MYRIP: variants seen among roughly 807,000 people sequenced by gnomAD.
The protein encoded by MYRIP is rab effector MyRIP.
MYRIP carries 49 observed loss-of-function variants against 98.0 expected under a neutral mutation model. The ratio of observed to expected loss-of-function variants is 0.50; its 90% confidence interval spans 0.40 to 0.63. The LOEUF (loss-of-function observed/expected upper bound fraction) is 0.63, where lower values mean the gene tolerates loss of function less well. Among genes scored for constraint, MYRIP ranks in the 30% least tolerant of loss-of-function variants. MYRIP has a pLI of 0.00. For missense variants in MYRIP, 1,004 were observed against 1,058.2 expected, an observed-to-expected ratio of 0.95 and a Z score of 0.71; for synonymous variants, 404 against 409.5, an observed-to-expected ratio of 0.99 and a Z score of 0.16.
chr3:40,214,028 T>C (rs908970343), intron 11 of MYRIP, among the ~76,000 whole-genome samples: 1 of 152,180 alleles, frequency 6.6e-6, no homozygotes, highest in Non-Finnish European at 1.5e-5. Context: ...TTCCCTTTCC[T>C]GTCCCACTTC....
chr3:39,992,545 T>C (rs1575444874), intron 2 of MYRIP, among the ~76,000 whole-genome samples: 1 of 152,226 alleles, frequency 6.6e-6, no homozygotes, highest in East Asian at 1.9e-4. Context: ...GTGCTTGCCA[T>C]CTGAATGTAC....
chr3:40,238,973 T>G (rs1033337475), intron 12 of MYRIP, among the ~76,000 whole-genome samples: 4 of 151,884 alleles, frequency 2.6e-5, no homozygotes, highest in African/African-American at 9.7e-5. Context: ...TAGTTACATA[T>G]GTATACATGT....
At chr3:40,227,487 C>T (rs1952522456) in intron 11 of MYRIP, among the ~76,000 whole-genome samples, 1 of 152,016 alleles carries the variant, frequency 6.6e-6, no homozygotes, top group African/African-American at 2.4e-5. Context: ...TTATTACTCC[C>T]TTTTTGGTGG....
chr3:39,972,753 T>TC (rs995253862), intron 2 of MYRIP, among the ~76,000 whole-genome samples: 1 of 151,002 alleles, frequency 6.6e-6, no homozygotes, highest in Non-Finnish European at 1.5e-5. Flanking sequence ...TTGTTTTTTT[T>TC]CCCCCTTTCA....
chr3:40,033,021 T>C (rs1302604064), intron 2 of MYRIP, among the ~76,000 whole-genome samples: 3 of 151,356 alleles, frequency 2.0e-5, no homozygotes, highest in Non-Finnish European at 4.4e-5. Flanking sequence ...ATTCAACAAC[T>C]CTTCATGCTG....
intron 12 of MYRIP, among the ~76,000 whole-genome samples, chr3:40,243,912 T>A (rs1361233423): frequency 6.6e-6 from 1 of 152,260 alleles, no homozygotes. Context: ...GAAATATTTT[T>A]CTATTACAAA....
At chr3:40,195,513 C>T (rs1220464634) in intron 10 of MYRIP, among the ~76,000 whole-genome samples, 1 of 152,112 alleles carries the variant, frequency 6.6e-6, no homozygotes, top group Non-Finnish European at 1.5e-5. Context: ...CCAGGCTGGT[C>T]TTGAACTCCT....
intron 10 of MYRIP, among the ~76,000 whole-genome samples, chr3:40,206,756 T>C (rs1266980126): frequency 1.3e-5 from 2 of 152,164 alleles, no homozygotes; most frequent in East Asian, 1.9e-4. Context: ...GCTCAGCACA[T>C]AGTAGGTGCT....
chr3:39,857,280 A>AGGAAGGAAGGAAGGAAGGAAGG (rs1191725155), intron 1 of MYRIP, among the ~76,000 whole-genome samples: 2 of 151,938 alleles, frequency 1.3e-5, no homozygotes, highest in African/African-American at 2.4e-5. Context: ...GAAGGAAGGA[A>AGGAAGGAAGGAAGGAAGGAAGG]AAATGAGTAT....
chr3:40,072,666 T>C (rs1948257434), intron 3 of MYRIP, among the ~76,000 whole-genome samples: 1 of 152,240 alleles, frequency 6.6e-6, no homozygotes, highest in Non-Finnish European at 1.5e-5. Flanking sequence ...TTTTAAACTT[T>C]CCAAGCATGT....
chr3:40,083,545 C>T (rs1192485344), intron 3 of MYRIP, among the ~76,000 whole-genome samples: 1 of 152,088 alleles, frequency 6.6e-6, no homozygotes, highest in African/African-American at 2.4e-5. Flanking sequence ...AGAGTCTCTG[C>T]CTTTTGGACT....
chr3:40,030,271 G>A (rs1947229981), intron 2 of MYRIP, among the ~76,000 whole-genome samples: 1 of 152,082 alleles, frequency 6.6e-6, no homozygotes, highest in Admixed American at 6.6e-5. Flanking sequence ...TTAGGGAAGT[G>A]CAAGTCAAAA....
intron 3 of MYRIP, among the ~76,000 whole-genome samples, chr3:40,146,078 A>G (rs55810084): frequency 0.015 from 2,349 of 152,308 alleles, 21 homozygotes; most frequent in Non-Finnish European, 0.021. Flanking sequence ...ATAATTGTCA[A>G]TATGTTGATA....
At chr3:40,042,123 T>A (rs1947548355) in intron 2 of MYRIP, among the ~76,000 whole-genome samples, 1 of 82,732 alleles carries the variant, frequency 1.2e-5, no homozygotes, top group Admixed American at 1.6e-4. Context: ...TATGGATGCC[T>A]TCAAATTACA....
intron 3 of MYRIP, among the ~76,000 whole-genome samples, chr3:40,105,494 A>T (rs1361965674): frequency 6.6e-6 from 1 of 152,136 alleles, no homozygotes; most frequent in African/African-American, 2.4e-5. Context: ...GCAAAGCTGG[A>T]GCAGGCGTCT....
intron 2 of MYRIP, among the ~76,000 whole-genome samples, chr3:40,010,801 C>T (rs965567450): frequency 2.0e-5 from 3 of 152,182 alleles, no homozygotes; most frequent in Non-Finnish European, 2.9e-5. Flanking sequence ...TGGTTCTGGA[C>T]TTCTTGTGCC....
chr3:39,898,504 A>G (rs1430876822), intron 1 of MYRIP, among the ~76,000 whole-genome samples: 1 of 152,074 alleles, frequency 6.6e-6, no homozygotes, highest in Non-Finnish European at 1.5e-5. Context: ...TACAGGCTAG[A>G]AAAAGGGGGC....
At chr3:40,013,758 G>A (rs949004557) in intron 2 of MYRIP, among the ~76,000 whole-genome samples, 7 of 152,200 alleles carry the variant, frequency 4.6e-5, no homozygotes, top group Non-Finnish European at 8.8e-5. Context: ...TCATCACTGT[G>A]CAACTAAATG....
intron 13 of MYRIP, among the ~76,000 whole-genome samples, chr3:40,249,972 A>G (rs1022818434): frequency 6.6e-6 from 1 of 152,120 alleles, no homozygotes; most frequent in African/African-American, 2.4e-5. Flanking sequence ...ATCCCCAGGC[A>G]TACTCTGACA....
Sources: allele counts gnomAD v4.1 joint callset (sites outside exome capture counted in the v4.1 genomes callset), GRCh38; gene constraint gnomAD v4.1.1; transcripts MANE v1.5; gene names NCBI Gene and HGNC (gene_info 2026-07-23, HGNC 2026-07-21).